Variants in SP4 observed in about 807,000 individuals in gnomAD.
SP4 encodes the protein Sp4 transcription factor, also known as transcription factor Sp4.
In SP4, 19 loss-of-function variants were observed where a neutral mutation model predicts 72.8. The ratio of observed to expected loss-of-function variants is 0.26; its 90% CI spans 0.18 to 0.38. The LOEUF (loss-of-function observed/expected upper bound fraction) is 0.38. SP4 is among the 10% of genes least tolerant of loss of function. SP4 has a pLI of 1.00. For missense variants in SP4, 1,008 were observed against 926.3 expected (o/e 1.09, Z -1.14); for synonymous variants, 395 against 333.1 (o/e 1.19, Z -2.02).
intron 2 of SP4, 63 bp from the exon 3 acceptor site, chr7:21,429,226 C>T (rs1203772383): frequency 2.2e-6 from 2 of 900,286 alleles, no homozygotes; most frequent in Admixed American, 2.5e-5. Context: ...AACTACTGGC[C>T]TCCACTAAAT....
At chr7:21,459,655 A>T (rs1169868540) in intron 3 of SP4, among the ~76,000 whole-genome samples, 2 of 152,200 alleles carry the variant, frequency 1.3e-5, no homozygotes, top group Non-Finnish European at 2.9e-5. Context: ...TAGTACACTA[A>T]TACCTGATTC....
intron 5 of SP4, among the ~76,000 whole-genome samples, chr7:21,492,515 A>G (rs1046053154): frequency 5.9e-5 from 9 of 152,136 alleles, no homozygotes; most frequent in Non-Finnish European, 8.8e-5. Context: ...AAAATCTGGG[A>G]AAAAAATCCA....
chr7:21,433,547 A>G (rs79434457), intron 3 of SP4, among the ~76,000 whole-genome samples: 340 of 152,348 alleles, frequency 2.2e-3, no homozygotes, highest in African/African-American at 7.6e-3. Flanking sequence ...GATGGAGAAA[A>G]TAGCACTTTG....
intron 3 of SP4, among the ~76,000 whole-genome samples, chr7:21,467,720 T>C (rs1784211737): frequency 6.6e-6 from 1 of 152,134 alleles, no homozygotes; most frequent in Non-Finnish European, 1.5e-5. Flanking sequence ...CCAAGTTTAA[T>C]CTGTAAAGGA....
At chr7:21,472,560 G>C (rs62439713) in intron 3 of SP4, among the ~76,000 whole-genome samples, 17,133 of 151,888 alleles carry the variant, frequency 0.11, 1,332 homozygotes, top group Middle Eastern at 0.31. Flanking sequence ...CCCAAAGTGC[G>C]GGGATTACAG....
chr7:21,436,064 A>C (rs532323325), intron 3 of SP4, among the ~76,000 whole-genome samples: 5 of 152,094 alleles, frequency 3.3e-5, no homozygotes, highest in African/African-American at 1.2e-4. Flanking sequence ...ACGCCTGGCT[A>C]ATTTTTGTAT....
intron 3 of SP4, among the ~76,000 whole-genome samples, chr7:21,432,840 A>T (rs900205742): frequency 2.6e-5 from 4 of 152,002 alleles, no homozygotes; most frequent in Admixed American, 6.5e-5. Flanking sequence ...CAAAAAATTT[A>T]AAAAAATTAG....
At chr7:21,446,910 A>G (rs879341264) in intron 3 of SP4, among the ~76,000 whole-genome samples, 1 of 151,042 alleles carries the variant, frequency 6.6e-6, no homozygotes, top group Non-Finnish European at 1.5e-5. Flanking sequence ...CTCTAACGCT[A>G]TTCTCCATTA....
Position 21,432,487 on chromosome 7 carries a change from C to G in SP4, c.1678+1644C>G, listed in dbSNP as rs181286530. ...ACTTATAATTTAGGTTAGAAGTAATCAATTTTTCTGCTCTCTAGTTGATAA... is the reference window on the plus strand; with the variant it reads ...ACTTATAATTTAGGTTAGAAGTAATGAATTTTTCTGCTCTCTAGTTGATAA... On this transcript the variant is annotated intron_variant, in intron 3 of 5. Coordinates refer to ENST00000222584, the MANE Select transcript of SP4 (RefSeq NM_003112.5). 2.1e-3 allele frequency among the ~76,000 whole-genome samples: 323 copies of G among 152,282 alleles called. 2 individuals are homozygous for G. Among genetic ancestry groups the G allele is most frequent in the African/African-American group, 7.3e-3 (303 of 41,558 alleles).
chr7:21,504,804 C>A (rs1401774708), intron 5 of SP4, among the ~76,000 whole-genome samples: 1 of 152,166 alleles, frequency 6.6e-6, no homozygotes. Context: ...AGGGCCCCAA[C>A]AAAGGTTAGC....
At chr7:21,467,975 GTTTA>G (rs1342366633) in intron 3 of SP4, among the ~76,000 whole-genome samples, 1 of 152,108 alleles carries the variant, frequency 6.6e-6, no homozygotes, top group Non-Finnish European at 1.5e-5. Flanking sequence ...TGGTTGGTGA[GTTTA>G]TTTATAGGTA....
chr7:21,477,427 A>C (rs945069335), intron 4 of SP4, 120 bp downstream of exon 4: 11 of 656,500 alleles, frequency 1.7e-5, no homozygotes, highest in East Asian at 1.4e-4. Context: ...CTAGAAGTTG[A>C]TATATAATAT....
At chr7:21,437,161 A>G (rs1268752929) in intron 3 of SP4, among the ~76,000 whole-genome samples, 1 of 152,206 alleles carries the variant, frequency 6.6e-6, no homozygotes, top group African/African-American at 2.4e-5. Flanking sequence ...AAACATTCTT[A>G]ACTTCAGACA....
At chr7:21,475,120 G>GT (rs563629984) in intron 3 of SP4, among the ~76,000 whole-genome samples, 2,388 of 143,182 alleles carry the variant, frequency 0.017, 53 homozygotes, top group African/African-American at 0.039. Flanking sequence ...TTTGTTTTTT[G>GT]TTTTTTTTTT....
At chr7:21,486,165 GT>G (rs1374100325) in intron 5 of SP4, among the ~76,000 whole-genome samples, 1 of 148,978 alleles carries the variant, frequency 6.7e-6, no homozygotes, top group African/African-American at 2.5e-5. Context: ...CAAGAGGTTT[GT>G]TATTTTTTCT....
intron 5 of SP4, among the ~76,000 whole-genome samples, chr7:21,500,285 G>T (rs997438056): frequency 6.6e-6 from 1 of 152,058 alleles, no homozygotes; most frequent in African/African-American, 2.4e-5. Flanking sequence ...CATATATTAG[G>T]TCAGCTATAA....
Position 21,428,679 on chromosome 7 carries a change from CAGA to C in SP4, c.16_18del (p.Lys6del), listed in dbSNP as rs752983130. ...TGTGGTGGGGGGGTTTGTTGCAGAT[CAGA>C]AGAAGGAGGAGGAGGAGGAGGCGGC... is the stretch of plus-strand genomic sequence containing the variant. On this transcript the variant is annotated inframe_deletion, in exon 2 of 6. Transcript: ENST00000222584. 3.2e-5 allele frequency: 49 copies of C among 1,548,188 alleles called. No homozygotes were observed. The highest frequency in any genetic ancestry group is 2.1e-4 in the African/African-American group (15 of 72,890).
chr7:21,471,156 A>T (rs756244918), intron 3 of SP4: 3 of 534,118 alleles, frequency 5.6e-6, no homozygotes, highest in Non-Finnish European at 1.2e-5. Context: ...CAAGAGATGA[A>T]GTTATAAAAC....
At chr7:21,450,584 G>A (rs890295752) in intron 3 of SP4, among the ~76,000 whole-genome samples, 5 of 152,124 alleles carry the variant, frequency 3.3e-5, no homozygotes, top group Non-Finnish European at 7.4e-5. Flanking sequence ...CATTTCCTCA[G>A]AAGATTGAAC....
Sources: gnomAD v4.1 joint callset for allele counts (sites outside exome capture counted in the v4.1 genomes callset) on GRCh38, gnomAD v4.1.1 for gene constraint, MANE v1.5 for transcripts, NCBI Gene and HGNC (gene_info 2026-07-23, HGNC 2026-07-21) for gene names.